Variants in CP observed in about 807,000 individuals in gnomAD.
CP encodes the protein ceruloplasmin, also known as caeruloplasmin.
In CP, 64 loss-of-function variants were observed where a neutral mutation model predicts 122.4. The ratio of observed to expected loss-of-function variants is 0.52; its 90% confidence interval spans 0.43 to 0.64. The LOEUF (loss-of-function observed/expected upper bound fraction) is 0.64, where lower values mean the gene tolerates loss of function less well. Among genes scored for constraint, CP ranks in the 30% least tolerant of loss-of-function variants. The probability of loss-of-function intolerance (pLI) is 0.00; values close to 1 mark genes in which losing one functional copy is unlikely to be tolerated. For synonymous variants in CP, 440 were observed against 436.4 expected (o/e 1.01, Z -0.10); for missense variants, 1,167 against 1,284.4 (o/e 0.91, Z 1.40).
Position 149,186,611 on chromosome 3 carries a change from T to C in CP, c.1986A>G (p.Gly662=), listed in dbSNP as rs1348305018. The C allele has an allele frequency of 3.1e-6, 5 of 1,614,102 alleles. No individual in the cohort carries two copies. In the Admixed American group the frequency reaches 6.7e-5, roughly 22 times the overall value. ...EADVHGIYFS[G]NTYLWRGERR... Reference sequence around the variant, plus strand: ...GTTCTCCTCTCCACAGATATGTGTTTCCTGAAAAGTATATTCCATGTACAT... The same window carrying C: ...GTTCTCCTCTCCACAGATATGTGTTCCCTGAAAAGTATATTCCATGTACAT... Residue 662 remains glycine, a synonymous_variant, in exon 11 of 19, where the codon GGA becomes GGG. Coordinates refer to ENST00000264613, the MANE Select transcript of CP (RefSeq NM_000096.4).
intron 18 of CP, among the ~76,000 whole-genome samples, chr3:149,174,606 C>G (rs763731817): frequency 5.9e-5 from 9 of 152,106 alleles, no homozygotes; most frequent in Non-Finnish European, 1.3e-4. Flanking sequence ...AGTAAGCAAA[C>G]TATTGTATTG....
At chr3:149,188,974 T>C (rs575261604) in intron 9 of CP, among the ~76,000 whole-genome samples, 2 of 152,314 alleles carry the variant, frequency 1.3e-5, no homozygotes, top group African/African-American at 4.8e-5. Flanking sequence ...ACCTGAAGGT[T>C]AGATCCTTCA....
At chr3:149,198,258 A>G in intron 9 of CP, 109 bp downstream of exon 9, 1 of 820,418 alleles carries the variant, frequency 1.2e-6, no homozygotes, top group Non-Finnish European at 2.0e-6. Context: ...TTTTAAAGGT[A>G]TATACTAAAG....
intron 9 of CP, 76 bp from the exon 10 acceptor site, chr3:149,188,278 GC>G (rs1222166984): frequency 8.2e-7 from 1 of 1,222,926 alleles, no homozygotes; most frequent in African/African-American, 1.5e-5. Context: ...TACTATTTAT[GC>G]ACAAACACAC....
Position 149,202,223 on chromosome 3 carries a change from A to G in CP, c.1227T>C (p.Phe409=), listed in dbSNP as rs375798691. ...CTCCAATTCTTGTGGTACCTTGTTC[A>G]AAAAACACCGCTGAGTCACTGCAGG... ...TAPGSDSAVF[F]EQGTTRIGGS... is the part of the protein sequence containing the mutation. The change falls in exon 7 of 19, where the codon TTT becomes TTC. Residue 409 remains phenylalanine, a synonymous_variant. Coordinates refer to ENST00000264613, the MANE Select transcript of CP (RefSeq NM_000096.4). 2 of 1,614,074 alleles carry G rather than the reference A, an allele frequency of 1.2e-6. No individual in the cohort carries two copies. Among genetic ancestry groups the G allele is most frequent in the Non-Finnish European group, 1.7e-6 (2 of 1,180,026 alleles).
intron 5 of CP, 122 bp downstream of exon 5, chr3:149,207,241 G>A: frequency 1.8e-6 from 2 of 1,091,098 alleles, no homozygotes; most frequent in Non-Finnish European, 2.8e-6. Flanking sequence ...TACCATCATA[G>A]GGATAAAACT....
chr3:149,212,068 C>CAGATCAGG (rs549015004), intron 2 of CP, among the ~76,000 whole-genome samples: 218 of 151,828 alleles, frequency 1.4e-3, no homozygotes, highest in African/African-American at 5.1e-3. Context: ...CTGAGGCGGG[C>CAGATCAGG]AGATCAGGAG....
At chr3:149,171,429 A>G (rs1016453933), downstream of CP, among the ~76,000 whole-genome samples, 1 of 152,094 alleles carries the variant, frequency 6.6e-6, no homozygotes, top group Non-Finnish European at 1.5e-5. Context: ...TATCCTATCA[A>G]TCTTTATAAA....
intron 13 of CP, 50 bp from the exon 14 acceptor site, chr3:149,182,183 A>G (rs1725832499): frequency 6.2e-7 from 1 of 1,607,386 alleles, no homozygotes; most frequent in Non-Finnish European, 8.5e-7. Context: ...CTAACTTAGT[A>G]ATAAAAGCAA....
rs57192685 is a variant in CP at position 149,167,279 on chromosome 3, G to A, written c.587-1229C>T. On this transcript the variant is annotated intron_variant, in intron 4 of 5. Transcript: ENST00000479771. ...GATTATGTTTTTAGGCTTGATCAGT[G>A]ATAATCAGATCTGATAACCTCATTT... The A allele has an allele frequency of 0.089, 133,008 of 1,498,886 alleles. 7,045 individuals carry two copies. The highest frequency in any genetic ancestry group is 0.23 in the African/African-American group (16,882 of 72,170). 92.8% of individuals were successfully genotyped at this position (1,498,886 alleles called of 1,614,324 possible).
At position 149,183,448 on chromosome 3, in the gene CP, C is replaced by T. The variant is rs369099227; in HGVS notation, c.2425+18G>A. On this transcript the variant is annotated intron_variant, in intron 13 of 18. Coordinates refer to ENST00000264613, the MANE Select transcript of CP (RefSeq NM_000096.4). ...ACATCATTAACCCACACCTGATAAACTGGAGATATTAACATACCTAGAATT... is the reference window on the plus strand; with the variant it reads ...ACATCATTAACCCACACCTGATAAATTGGAGATATTAACATACCTAGAATT... The T allele has an allele frequency of 1.8e-5, 29 of 1,610,050 alleles. No homozygotes were observed. Among genetic ancestry groups the T allele is most frequent in the Non-Finnish European group, 2.0e-5 (24 of 1,179,284 alleles).
chr3:149,205,166 T>C (rs1559954510), intron 6 of CP, among the ~76,000 whole-genome samples: 1 of 150,790 alleles, frequency 6.6e-6, no homozygotes, highest in East Asian at 1.9e-4. Flanking sequence ...ATATCACTTA[T>C]GCTCATTAGG....
chr3:149,211,312 G>A (rs936285599), intron 2 of CP, among the ~76,000 whole-genome samples: 2 of 152,124 alleles, frequency 1.3e-5, no homozygotes, highest in African/African-American at 4.8e-5. Context: ...AGTTATTGAG[G>A]TATTACTATG....
intron 5 of CP, among the ~76,000 whole-genome samples, chr3:149,165,248 A>G (rs929802798): frequency 1.3e-5 from 2 of 152,198 alleles, no homozygotes; most frequent in Non-Finnish European, 2.9e-5. Context: ...GATCATACAC[A>G]CTAATTACAT....
chr3:149,200,677 C>CTT (rs760942815), intron 7 of CP, among the ~76,000 whole-genome samples: 1 of 142,296 alleles, frequency 7.0e-6, no homozygotes, highest in Non-Finnish European at 1.5e-5. Flanking sequence ...CATTTTTGTA[C>CTT]TTTTTTTTTT....
At chr3:149,193,882 G>A (rs1369279425) in intron 9 of CP, among the ~76,000 whole-genome samples, 1 of 152,208 alleles carries the variant, frequency 6.6e-6, no homozygotes, top group African/African-American at 2.4e-5. Context: ...GTAGCCACAT[G>A]GCTAGTAACT....
At chr3:149,213,145 ATG>A (rs1473215894) in intron 1 of CP, among the ~76,000 whole-genome samples, 2 of 152,236 alleles carry the variant, frequency 1.3e-5, no homozygotes, top group African/African-American at 4.8e-5. Flanking sequence ...ACTTCAAAGT[ATG>A]TGTGTGTATA....
At position 149,199,425 on chromosome 3, in the gene CP, T is replaced by G. The variant is rs568011054; in HGVS notation, c.1501+287A>C. Among the ~76,000 whole-genome samples the G allele has an allele frequency of 3.3e-5, 5 of 152,312 alleles. No individual in the cohort carries two copies. In the East Asian group the frequency reaches 7.7e-4, roughly 23 times the overall value. ...TCGAACATTCTTATAAGAACTTTTT[T>G]AAAAATTAAAAATCACCCAAGGTAC... On this transcript the variant is annotated intron_variant, in intron 8 of 18. Transcript: ENST00000264613.
chr3:149,197,280 A>G (rs1726954807), intron 9 of CP, among the ~76,000 whole-genome samples: 1 of 152,176 alleles, frequency 6.6e-6, no homozygotes, highest in African/African-American at 2.4e-5. Flanking sequence ...CTTTCTATAT[A>G]CTGTGTACCT....
Sources: allele counts gnomAD v4.1 joint callset (sites outside exome capture counted in the v4.1 genomes callset), GRCh38; gene constraint gnomAD v4.1.1; transcripts MANE v1.5; gene names NCBI Gene and HGNC (gene_info 2026-07-23, HGNC 2026-07-21).